COPS9: variants seen among roughly 807,000 people sequenced by gnomAD.
COPS9 encodes COP9 signalosome subunit 9.
A neutral mutation model predicts 7.2 loss-of-function variants in COPS9; 8 were observed. The observed-to-expected ratio is 1.11, with a 90% CI of 0.65 to 2.00. COPS9 has a LOEUF of 2.00. Among genes scored for constraint, COPS9 ranks in the 30% most tolerant of loss-of-function variants. The probability of loss-of-function intolerance (pLI) is 0.00; values close to 1 mark genes in which losing one functional copy is unlikely to be tolerated. For synonymous variants in COPS9, 39 were observed against 28.7 expected, an observed-to-expected ratio of 1.36 and a Z score of -1.14; for missense variants, 74 against 77.7, an observed-to-expected ratio of 0.95 and a Z score of 0.18.
downstream of COPS9, chr2:240,129,963 G>A (rs374935553): frequency 4.7e-5 from 76 of 1,613,866 alleles, 1 homozygote; most frequent in Non-Finnish European, 5.3e-5. Flanking sequence ...CCCGTGCTCC[G>A]ACTGCCCTCG....
At chr2:240,131,762 A>G (rs532389792) in intron 2 of COPS9, among the ~76,000 whole-genome samples, 60 of 152,150 alleles carry the variant, frequency 3.9e-4, no homozygotes, top group Non-Finnish European at 8.2e-4. Flanking sequence ...GGCAATCATC[A>G]CTTTCACAAT....
At chr2:240,134,623 C>CT (rs1198050214) in intron 1 of COPS9, among the ~76,000 whole-genome samples, 2 of 152,136 alleles carry the variant, frequency 1.3e-5, no homozygotes, top group African/African-American at 4.8e-5. Context: ...GACAGCTGGC[C>CT]ACAGGTCCTG....
downstream of COPS9, chr2:240,130,124 C>A: frequency 3.1e-6 from 3 of 977,632 alleles, no homozygotes; most frequent in Non-Finnish European, 4.7e-6. Flanking sequence ...ACATTCGGTT[C>A]TGCTTAAGAT....
At chr2:240,136,201 C>A (rs767326318) in intron 1 of COPS9, 21 bp downstream of exon 1, 59 of 1,517,776 alleles carry the variant, frequency 3.9e-5, no homozygotes, top group Non-Finnish European at 5.1e-5. Context: ...CGCTCGGAGA[C>A]TCCCGCCGGG....
At chr2:240,130,149 A>G, downstream of COPS9, 1 of 720,772 alleles carries the variant, frequency 1.4e-6, no homozygotes, top group Non-Finnish European at 2.3e-6. Context: ...CCTGGCCTCC[A>G]GTACAAATGT....
intron 1 of COPS9, 173 bp downstream of exon 1, chr2:240,136,049 C>T: frequency 9.1e-7 from 1 of 1,099,068 alleles, no homozygotes; most frequent in Non-Finnish European, 1.2e-6. Flanking sequence ...CGCCTTTCAC[C>T]AGGTGCTCGG....
At position 240,132,538 on chromosome 2, in the gene COPS9, C is replaced by T. The variant is rs77913869; in HGVS notation, c.136+1395G>A. On this transcript the variant is annotated intron_variant, in intron 2 of 2. Coordinates refer to ENST00000607357, the MANE Select transcript of COPS9 (RefSeq NM_001163424.2). The surrounding 1 kb of genome is among the most constrained non-coding windows in gnomAD (Gnocchi z 4.1). ...CGCCCACAATGCTCAGGTTGCTGGG[C>T]GCTCACCTGACGGGTAGGACCTGGG... Among the ~76,000 whole-genome samples, 2,366 of 152,268 alleles carry T rather than the reference C, an allele frequency of 0.016. 44 individuals are homozygous for T. The highest frequency in any genetic ancestry group is 0.09 in the East Asian group (467 of 5,166).
At chr2:240,136,161 G>A (rs759802123) in intron 1 of COPS9, 61 bp downstream of exon 1, 17 of 1,210,286 alleles carry the variant, frequency 1.4e-5, no homozygotes, top group Non-Finnish European at 1.8e-5. Context: ...CCAGGACGCC[G>A]CCCTTCCGCT....
chr2:240,136,008 A>T, intron 1 of COPS9: 1 of 737,080 alleles, frequency 1.4e-6, no homozygotes, highest in Non-Finnish European at 2.0e-6. Context: ...CCCCCGGGCT[A>T]GGGCACACGC....
chr2:240,129,970 C>G (rs772962272), downstream of COPS9: 1 of 1,614,042 alleles, frequency 6.2e-7, no homozygotes. Flanking sequence ...TCCGACTGCC[C>G]TCGCTGCAGT....
chr2:240,134,758 CT>C (rs1332561947), intron 1 of COPS9, among the ~76,000 whole-genome samples: 4 of 152,190 alleles, frequency 2.6e-5, no homozygotes, highest in African/African-American at 7.2e-5. Flanking sequence ...GTCTCCTCCC[CT>C]GGCTTCTCAG....
chr2:240,129,891 TAC>T (rs777574624), downstream of COPS9: 6 of 1,607,166 alleles, frequency 3.7e-6, no homozygotes, highest in Non-Finnish European at 5.1e-6. Context: ...CAGACCTTCT[TAC>T]AGAGATGCAC....
rs138633243 is a variant in COPS9, at chr2:240,133,934, G to A, written c.135C>T (p.Asn45=). The part of the protein sequence containing the change: ...NEKAVHADFF[N]DFEDLFDDDD... ...GCATCCCATTCCAAGCATCCTTACCGTTAAAAAAGTCTGCATGAACGGCCT... is the reference window on the plus strand; with the variant it reads ...GCATCCCATTCCAAGCATCCTTACCATTAAAAAAGTCTGCATGAACGGCCT... Residue 45 remains asparagine, a splice_region_variant and synonymous_variant, in exon 2 of 3, where the codon AAC becomes AAT. Coordinates refer to ENST00000607357, the MANE Select transcript of COPS9 (RefSeq NM_001163424.2). 88 of 1,613,886 alleles carry A rather than the reference G, an allele frequency of 5.5e-5. No individual in the cohort carries two copies. Among genetic ancestry groups the A allele is most frequent in the African/African-American group, 4.7e-4 (35 of 75,006 alleles).
At chr2:240,135,564 C>A (rs1175782006) in intron 1 of COPS9, among the ~76,000 whole-genome samples, 1 of 152,162 alleles carries the variant, frequency 6.6e-6, no homozygotes, top group Non-Finnish European at 1.5e-5. Context: ...TAAACCATCT[C>A]AGAACGCTCA....
rs191410388 is a variant in COPS9 at position 240,134,983 on chromosome 2, G to A, written c.64-978C>T. Reference sequence around the variant, plus strand: ...TAAAGCCCTCCGGTGGCTCCACATCGCCTAGGACTGTGAAGCCTAGGACTG... The same window carrying A: ...TAAAGCCCTCCGGTGGCTCCACATCACCTAGGACTGTGAAGCCTAGGACTG... On this transcript the variant is annotated intron_variant, in intron 1 of 2. Transcript: ENST00000607357. 8.6e-5 allele frequency among the ~76,000 whole-genome samples: 7 copies of A among 81,278 alleles called. 1 individual carries two copies. In the East Asian group the frequency reaches 2.1e-3, roughly 24 times the overall value. The allele number at this position is 81,278 out of a possible 152,430, so 53.3% of individuals were successfully genotyped here. A position where few individuals can be genotyped will look rare whatever the true frequency, so the allele number is the denominator to read the frequency against.
chr2:240,128,801 G>A (rs1410932024), downstream of COPS9, among the ~76,000 whole-genome samples: 1 of 152,184 alleles, frequency 6.6e-6, no homozygotes, highest in Non-Finnish European at 1.5e-5. Flanking sequence ...ACACGGAGAT[G>A]AGGAAGAAAA....
chr2:240,134,084 C>T (rs1277911440), intron 1 of COPS9, 79 bp from the exon 2 acceptor site: 1 of 1,330,974 alleles, frequency 7.5e-7, no homozygotes, highest in Non-Finnish European at 1.1e-6. Context: ...GGGCCACTAC[C>T]CCCACAAAAA....
intron 1 of COPS9, 23 bp from the exon 2 acceptor site, chr2:240,134,028 T>C: frequency 6.2e-7 from 1 of 1,613,574 alleles, no homozygotes; most frequent in South Asian, 1.1e-5. Flanking sequence ...AAGGCAAGGT[T>C]ATGTCAGGTG....
rs546568271 is a variant in COPS9, at chr2:240,133,933, C to T, written c.136G>A (p.Asp46Asn). 56 of 1,613,974 alleles carry T rather than the reference C, an allele frequency of 3.5e-5. No homozygotes were observed. Among genetic ancestry groups the T allele is most frequent in the Non-Finnish European group, 4.2e-5 (50 of 1,179,898 alleles). Residue 46 changes from aspartate to asparagine, a missense_variant and splice_region_variant, in exon 2 of 3, where the codon GAT becomes AAT. Transcript: ENST00000607357. Reference protein sequence around the residue: ...EKAVHADFFNDFEDLFDDDDI... With the variant: ...EKAVHADFFNNFEDLFDDDDI... ...GGCATCCCATTCCAAGCATCCTTAC[C>T]GTTAAAAAAGTCTGCATGAACGGCC...
Sources: allele counts gnomAD v4.1 joint callset (sites outside exome capture counted in the v4.1 genomes callset), GRCh38; gene constraint gnomAD v4.1.1; non-coding constraint Gnocchi (gnomAD v3.1); transcripts MANE v1.5; gene names NCBI Gene and HGNC (gene_info 2026-07-23, HGNC 2026-07-21).